COL4A2: variants seen among roughly 807,000 people sequenced by gnomAD.
COL4A2 encodes collagen type IV alpha 2 chain.
A neutral mutation model predicts 200.2 loss-of-function variants in COL4A2; 99 were observed. The ratio of observed to expected loss-of-function variants is 0.49; its 90% CI spans 0.42 to 0.58. The LOEUF (loss-of-function observed/expected upper bound fraction) is 0.58, where lower values mean the gene tolerates loss of function less well. COL4A2 is among the 20% of genes least tolerant of loss of function. COL4A2 has a pLI of 0.00. For synonymous variants in COL4A2, 897 were observed against 900.6 expected, an observed-to-expected ratio of 1.00 and a Z score of 0.07; for missense variants, 1,950 against 2,314.1, an observed-to-expected ratio of 0.84 and a Z score of 3.23.
chr13:110,457,421 C>A lies in COL4A2; in HGVS notation c.1418C>A (p.Pro473Gln), dbSNP rs1207936307. The A allele has an allele frequency of 6.2e-7, 1 of 1,604,338 alleles. No individual in the cohort carries two copies. The highest frequency in any genetic ancestry group is 1.3e-5 in the African/African-American group (1 of 74,830). Residue 473 changes from proline to glutamine, a missense_variant, in exon 21 of 48, where the codon CCA becomes CAA. Around this residue, in one of 2 missense-constraint regions of COL4A2, gnomAD observed 1,385 missense variants for 1,720.5 expected, o/e 0.80. Transcript: ENST00000360467. The part of the protein sequence containing the change: ...GLPGSPGARG[P>Q]KGWKGDAGEC... ...CCCGGCTCCCCTGGAGCCCGCGGAC[C>A]AAAGGGGTGGAAAGGTAAGAACATC...
In COL4A2 at chr13:110,484,889, C is replaced by A. The variant is rs1402994206; in HGVS notation, c.2903-16C>A. 1 of 1,600,390 alleles carries A rather than the reference C, an allele frequency of 6.2e-7. No individual in the cohort carries two copies. Among genetic ancestry groups the A allele is most frequent in the African/African-American group, 1.3e-5 (1 of 74,372 alleles). The stretch of plus-strand genomic sequence containing the variant: ...CTGGAGCCCCCAGAAAATGACAGCA[C>A]TCTATTCCCTTCCAGGCAGCCGAGG... On this transcript the variant is annotated splice_polypyrimidine_tract_variant and intron_variant, in intron 32 of 47. Coordinates refer to ENST00000360467, the MANE Select transcript of COL4A2 (RefSeq NM_001846.4).
At position 110,373,923 on chromosome 13, in the gene COL4A2, T is replaced by C. The variant is rs113860746; in HGVS notation, c.180+16371T>C. ...ATGCTAAGGCTCTTCAAGGATATAA[T>C]GCAGCCCTGTGCAGCCGTGGCCAGT... On this transcript the variant is annotated intron_variant, in intron 4 of 47. Coordinates refer to ENST00000360467, the MANE Select transcript of COL4A2 (RefSeq NM_001846.4). Among the ~76,000 whole-genome samples the C allele has an allele frequency of 2.3e-3, 351 of 152,358 alleles. 1 individual carries two copies. Among genetic ancestry groups the C allele is most frequent in the African/African-American group, 8.2e-3 (339 of 41,588 alleles).
At chr13:110,409,432 G>A (rs899251807) in intron 4 of COL4A2, among the ~76,000 whole-genome samples, 2 of 152,234 alleles carry the variant, frequency 1.3e-5, no homozygotes, top group Non-Finnish European at 2.9e-5. Context: ...CTAATGAACC[G>A]CGTGCATCTT....
Position 110,438,492 on chromosome 13 carries a change from C to T in COL4A2, c.862-126C>T. On this transcript the variant is annotated intron_variant, in intron 14 of 47. Coordinates refer to ENST00000360467, the MANE Select transcript of COL4A2 (RefSeq NM_001846.4). ...TGCACTGCGCCTGAGTTGAGCATCG[C>T]CAGGCGGTCTGGACACCATCGGGGC... 4 of 1,286,466 alleles carry T rather than the reference C, an allele frequency of 3.1e-6. No individual in the cohort carries two copies. The Admixed American group carries it at 6.7e-5, about 22-fold the overall frequency. 79.7% of individuals were successfully genotyped at this position (1,286,466 alleles called of 1,614,324 possible).
At chr13:110,383,771 A>G (rs529824245) in intron 4 of COL4A2, among the ~76,000 whole-genome samples, 12 of 151,852 alleles carry the variant, frequency 7.9e-5, no homozygotes, top group African/African-American at 2.7e-4. Context: ...GCATGCCACC[A>G]CACCAAACTA....
intron 3 of COL4A2, among the ~76,000 whole-genome samples, chr13:110,333,582 G>A (rs1876028276): frequency 6.6e-6 from 1 of 152,118 alleles, no homozygotes; most frequent in Non-Finnish European, 1.5e-5. Context: ...ACCTAAGATG[G>A]GTTATGATTG....
intron 15 of COL4A2, 145 bp downstream of exon 15, chr13:110,438,813 C>A: frequency 1.3e-6 from 1 of 771,144 alleles, no homozygotes. Context: ...CCCCCCCCCA[C>A]ACACACACAC....
intron 12 of COL4A2, among the ~76,000 whole-genome samples, chr13:110,435,130 T>C (rs1880823899): frequency 1.3e-5 from 2 of 152,202 alleles, no homozygotes; most frequent in African/African-American, 2.4e-5. Flanking sequence ...CACAGTAAGT[T>C]GAATCAAGTC....
rs560222146 is a variant in COL4A2 at position 110,407,735 on chromosome 13, C to T, written c.181-16999C>T. On this transcript the variant is annotated intron_variant, in intron 4 of 47. Coordinates refer to ENST00000360467, the MANE Select transcript of COL4A2 (RefSeq NM_001846.4). ...GGAATGCAGAGGAAACGGCAGACTCCGGAGATGCTTGGCGGAAAGCCCAGT... is the reference window on the plus strand; with the variant it reads ...GGAATGCAGAGGAAACGGCAGACTCTGGAGATGCTTGGCGGAAAGCCCAGT... Among the ~76,000 whole-genome samples, 30 of 152,242 alleles carry T rather than the reference C, an allele frequency of 2.0e-4. No homozygotes were observed. The South Asian group carries it at 5.8e-3, about 29-fold the overall frequency.
At chr13:110,368,237 G>A (rs1450005683) in intron 4 of COL4A2, among the ~76,000 whole-genome samples, 1 of 152,002 alleles carries the variant, frequency 6.6e-6, no homozygotes. Flanking sequence ...GGTAACTTAA[G>A]GAAAGACAAA....
chr13:110,474,951 C>T lies in COL4A2; in HGVS notation c.2425+1801C>T, dbSNP rs534892747. ...ACCCACACACGTGCCTGTGCACACA[C>T]GATCACACACACGTACATACCCACA... On this transcript the variant is annotated intron_variant, in intron 29 of 47. Coordinates refer to ENST00000360467, the MANE Select transcript of COL4A2 (RefSeq NM_001846.4). 9.1e-5 allele frequency among the ~76,000 whole-genome samples: 13 copies of T among 142,210 alleles called. 1 individual carries two copies. The highest frequency in any genetic ancestry group is 1.4e-4 in the Admixed American group (2 of 14,294). 93.3% of individuals were successfully genotyped at this position (142,210 alleles called of 152,430 possible).
intron 4 of COL4A2, among the ~76,000 whole-genome samples, chr13:110,387,609 GCCCC>G (rs1380899107): frequency 1.2e-3 from 177 of 152,390 alleles, no homozygotes; most frequent in African/African-American, 3.8e-3. Context: ...GGCGGCTGCA[GCCCC>G]GAGGGAGCCC....
chr13:110,433,492 C>T (rs911945698), intron 11 of COL4A2, among the ~76,000 whole-genome samples: 3 of 152,200 alleles, frequency 2.0e-5, no homozygotes, highest in African/African-American at 7.2e-5. Context: ...AGCCTGGCCG[C>T]GTTTCTGTGC....
chr13:110,510,176 G>A (rs569908501), intron 47 of COL4A2, among the ~76,000 whole-genome samples: 1 of 152,362 alleles, frequency 6.6e-6, no homozygotes, highest in East Asian at 1.9e-4. Context: ...GCAGTGCTGA[G>A]GCTAGCGCCT....
chr13:110,357,815 A>G (rs1172856577), intron 4 of COL4A2, among the ~76,000 whole-genome samples: 2 of 152,238 alleles, frequency 1.3e-5, no homozygotes, highest in East Asian at 1.9e-4. Context: ...GAAAAGGTAC[A>G]GTAAAAAGAA....
At chr13:110,380,529 G>A (rs1025135228) in intron 4 of COL4A2, among the ~76,000 whole-genome samples, 1 of 152,144 alleles carries the variant, frequency 6.6e-6, no homozygotes, top group Non-Finnish European at 1.5e-5. Flanking sequence ...GAGATAAGAT[G>A]GTTTTCTATG....
intron 3 of COL4A2, among the ~76,000 whole-genome samples, chr13:110,355,813 GGAGGGC>G (rs1877227352): frequency 2.3e-5 from 1 of 42,604 alleles, no homozygotes; most frequent in East Asian, 4.7e-4. Context: ...GTGTGAGTGG[GGAGGGC>G]TGCACTAGCT....
chr13:110,509,393 T>C (rs1176923164), intron 47 of COL4A2, among the ~76,000 whole-genome samples: 2 of 151,786 alleles, frequency 1.3e-5, no homozygotes, highest in African/African-American at 2.4e-5. Context: ...TAAACAAGTA[T>C]TGGCATTTTA....
At chr13:110,389,246 C>T (rs1047923712) in intron 4 of COL4A2, among the ~76,000 whole-genome samples, 2 of 152,204 alleles carry the variant, frequency 1.3e-5, no homozygotes, top group African/African-American at 4.8e-5. Context: ...CACATCGCTT[C>T]CCTTTCCTAT....
Sources: allele counts gnomAD v4.1 joint callset (sites outside exome capture counted in the v4.1 genomes callset), GRCh38; gene constraint gnomAD v4.1.1; regional missense constraint gnomAD v4.1.1; transcripts MANE v1.5; gene names NCBI Gene and HGNC (gene_info 2026-07-23, HGNC 2026-07-21).